The following SLC5A11 variants were observed in gnomAD, a reference collection of about 807,000 sequenced individuals.
The protein encoded by SLC5A11 is solute carrier family 5 member 11.
In SLC5A11, 48 loss-of-function variants were observed where a neutral mutation model predicts 69.8. That is an observed-to-expected ratio of 0.69 (90% CI 0.55 to 0.87). The LOEUF (loss-of-function observed/expected upper bound fraction) is 0.87, where lower values mean the gene tolerates loss of function less well. SLC5A11 is among the 40% of genes least tolerant of loss of function. The probability of loss-of-function intolerance (pLI) is 0.00; values close to 1 mark genes in which losing one functional copy is unlikely to be tolerated. For synonymous variants in SLC5A11, 319 were observed against 342.4 expected (o/e 0.93, Z 0.75); for missense variants, 784 against 866.1 (o/e 0.91, Z 1.19).
chr16:24,852,130 G>A (rs1024760321), intron 1 of SLC5A11, among the ~76,000 whole-genome samples: 1 of 151,932 alleles, frequency 6.6e-6, no homozygotes, highest in African/African-American at 2.4e-5. Flanking sequence ...GCTATAAATT[G>A]TGCTCTGTTT....
chr16:24,904,903 T>C (rs906306030), intron 10 of SLC5A11, among the ~76,000 whole-genome samples: 1 of 152,160 alleles, frequency 6.6e-6, no homozygotes, highest in Non-Finnish European at 1.5e-5. Context: ...AAGCTCCACG[T>C]GCATTAGGTA....
intron 3 of SLC5A11, among the ~76,000 whole-genome samples, chr16:24,869,519 C>T (rs1597069929): frequency 1.3e-5 from 2 of 152,196 alleles, no homozygotes; most frequent in East Asian, 3.8e-4. Context: ...GGGGGAGTAA[C>T]ACAGGCTTCC....
At chr16:24,910,443 G>C (rs778171049) in exon 15 of SLC5A11, 1 of 1,614,142 alleles carries the variant, frequency 6.2e-7, no homozygotes, top group East Asian at 2.2e-5. Context: ...TCCAGTTCGA[G>C]ATGGTTCAAG....
intron 3 of SLC5A11, among the ~76,000 whole-genome samples, chr16:24,868,550 G>T (rs955433831): frequency 2.8e-5 from 4 of 142,974 alleles, no homozygotes; most frequent in Admixed American, 7.3e-5. Flanking sequence ...GGTGAGCTGA[G>T]ATCACACCAC....
In SLC5A11 at chr16:24,884,632, GTT is replaced by G. The variant is rs10716696; in HGVS notation, c.664+513_664+514del. 2.3e-3 allele frequency among the ~76,000 whole-genome samples: 316 copies of G among 137,132 alleles called. 3 individuals carry two copies. The highest frequency in any genetic ancestry group is 7.5e-3 in the African/African-American group (279 of 37,126). The allele number at this position is 137,132 out of a possible 152,430, so 90.0% of individuals were successfully genotyped here. A position where few individuals can be genotyped will look rare whatever the true frequency, so the allele number is the denominator to read the frequency against. On this transcript the variant is annotated intron_variant, in intron 8 of 15. Coordinates refer to ENST00000347898, the Ensembl canonical transcript of SLC5A11. ...TCCCCAAGCTGCCCCACCTGGCACTGTTTTTTTTTTTTTCAAGTAAAAATCTC... is the reference window on the plus strand; with the variant it reads ...TCCCCAAGCTGCCCCACCTGGCACTGTTTTTTTTTTTCAAGTAAAAATCTC...
intron 3 of SLC5A11, among the ~76,000 whole-genome samples, chr16:24,865,820 G>A (rs2152281611): frequency 6.6e-6 from 1 of 151,686 alleles, no homozygotes; most frequent in East Asian, 1.9e-4. Context: ...GAGTCTACAT[G>A]AAAAAAATAA....
At chr16:24,851,427 G>C (rs1488325228) in intron 1 of SLC5A11, among the ~76,000 whole-genome samples, 1 of 152,154 alleles carries the variant, frequency 6.6e-6, no homozygotes, top group East Asian at 1.9e-4. Flanking sequence ...CTGGGAGGCT[G>C]AGGCAGGCGA....
At chr16:24,893,415 C>T (rs1290255511) in intron 9 of SLC5A11, among the ~76,000 whole-genome samples, 1 of 151,900 alleles carries the variant, frequency 6.6e-6, no homozygotes, top group Non-Finnish European at 1.5e-5. Context: ...ACAGTTGACC[C>T]ATTCTGCCAC....
chr16:24,858,602 G>A lies in SLC5A11; in HGVS notation c.-24-18G>A. The A allele has an allele frequency of 6.3e-7, 1 of 1,578,622 alleles. No individual in the cohort carries two copies. Among genetic ancestry groups the A allele is most frequent in the Non-Finnish European group, 8.6e-7 (1 of 1,160,088 alleles). ...GATGCTAGGATCTGGCATTTGACTG[G>A]CATTTGCCCTTCCTCAGGATCCAGA... is the stretch of plus-strand genomic sequence containing the variant. On this transcript the variant is annotated intron_variant, in intron 1 of 15. Coordinates refer to ENST00000347898, the Ensembl canonical transcript of SLC5A11.
At chr16:24,849,622 A>ATATC (rs1459859144) in intron 1 of SLC5A11, among the ~76,000 whole-genome samples, 8 of 128,238 alleles carry the variant, frequency 6.2e-5, no homozygotes, top group Non-Finnish European at 9.7e-5. Context: ...ATATATATAT[A>ATATC]TCCATGAGAG....
At position 24,856,687 on chromosome 16, in the gene SLC5A11, T is replaced by C. The variant is rs1042343096; in HGVS notation, c.-24-1933T>C. Among the ~76,000 whole-genome samples, 88 of 142,696 alleles carry C rather than the reference T, an allele frequency of 6.2e-4. 1 individual carries two copies. The highest frequency in any genetic ancestry group is 2.1e-3 in the African/African-American group (81 of 38,454). The allele number at this position is 142,696 out of a possible 152,430, so 93.6% of individuals were successfully genotyped here. A position where few individuals can be genotyped will look rare whatever the true frequency, so the allele number is the denominator to read the frequency against. On this transcript the variant is annotated intron_variant, in intron 1 of 15. Transcript: ENST00000347898. ...TCAGGAGGCTGAGGCAGGAGAATGG[T>C]GTGAACCGGGGAGGCAGAGCTTGTA... is the stretch of plus-strand genomic sequence containing the variant.
At chr16:24,894,629 G>A (rs944386345) in intron 9 of SLC5A11, among the ~76,000 whole-genome samples, 18 of 151,468 alleles carry the variant, frequency 1.2e-4, no homozygotes, top group Non-Finnish European at 2.2e-4. Flanking sequence ...GTGAAACCCC[G>A]TCTCTACTAA....
chr16:24,849,591 A>ATATATATAT (rs60683631), intron 1 of SLC5A11, among the ~76,000 whole-genome samples: 24 of 57,496 alleles, frequency 4.2e-4, no homozygotes, highest in Admixed American at 5.5e-4. Context: ...AAAAAAAAAA[A>ATATATATAT]AAATATATAT....
intron 10 of SLC5A11, among the ~76,000 whole-genome samples, chr16:24,901,958 G>GCGCGCA (rs976595625): frequency 7.3e-5 from 10 of 136,678 alleles, no homozygotes; most frequent in African/African-American, 2.7e-4. Flanking sequence ...ACACACACAC[G>GCGCGCA]CACACACACA....
chr16:24,910,715 G>A (rs550790326), intron 15 of SLC5A11, among the ~76,000 whole-genome samples: 1 of 152,188 alleles, frequency 6.6e-6, no homozygotes, highest in South Asian at 2.1e-4. Context: ...GAGTGCCTAC[G>A]GAGACACGGT....
At chr16:24,906,050 G>A (rs1011062632) in intron 10 of SLC5A11, among the ~76,000 whole-genome samples, 1 of 152,164 alleles carries the variant, frequency 6.6e-6, no homozygotes, top group African/African-American at 2.4e-5. Context: ...TCTACGTATA[G>A]GAAATGATTC....
intron 3 of SLC5A11, among the ~76,000 whole-genome samples, chr16:24,868,392 C>G (rs1173003946): frequency 6.7e-6 from 1 of 149,206 alleles, no homozygotes; most frequent in East Asian, 2.0e-4. Context: ...AGACCCAGAC[C>G]ATCCTGGCGA....
At chr16:24,864,476 A>C (rs2046794776) in intron 3 of SLC5A11, among the ~76,000 whole-genome samples, 2 of 152,108 alleles carry the variant, frequency 1.3e-5, no homozygotes, top group African/African-American at 4.8e-5. Context: ...AACAACAGCA[A>C]GAATGAATAG....
chr16:24,890,640 C>T lies in SLC5A11; in HGVS notation c.665-229C>T, dbSNP rs1341567781. Among the ~76,000 whole-genome samples the T allele has an allele frequency of 2.0e-5, 3 of 151,778 alleles. No individual in the cohort carries two copies. In the South Asian group the frequency reaches 6.2e-4, roughly 31 times the overall value. The stretch of plus-strand genomic sequence containing the variant: ...TACTTATGTCAAACACCAAATTTTA[C>T]ATTTTACATATTTGTAATTTATGGT... On this transcript the variant is annotated intron_variant, in intron 8 of 15. Transcript: ENST00000347898.
Sources: gnomAD v4.1 joint callset for allele counts (sites outside exome capture counted in the v4.1 genomes callset) on GRCh38, gnomAD v4.1.1 for gene constraint, MANE v1.5 for transcripts, NCBI Gene and HGNC (gene_info 2026-07-23, HGNC 2026-07-21) for gene names.